Variants in MSH3 observed in about 807,000 individuals in gnomAD.
MSH3 encodes the protein DNA mismatch repair protein Msh3.
In MSH3, 106 loss-of-function variants were observed where a neutral mutation model predicts 123.3. The observed-to-expected ratio is 0.86, with a 90% CI of 0.73 to 1.01. The LOEUF (loss-of-function observed/expected upper bound fraction) is 1.01, where lower values mean the gene tolerates loss of function less well. Ranked by LOEUF, MSH3 falls within the 50% of genes least tolerant of loss-of-function variation. The probability of loss-of-function intolerance (pLI) is 0.00; values close to 1 mark genes in which losing one functional copy is unlikely to be tolerated. For synonymous variants in MSH3, 515 were observed against 481.4 expected (o/e 1.07, Z -0.91); for missense variants, 1,459 against 1,347.6 (o/e 1.08, Z -1.29).
intron 10 of MSH3, among the ~76,000 whole-genome samples, chr5:80,734,179 A>G (rs1660251135): frequency 1.3e-5 from 2 of 152,218 alleles, no homozygotes; most frequent in South Asian, 4.1e-4. Flanking sequence ...ATATTATGGT[A>G]GTTGAAAGAC....
At position 80,786,530 on chromosome 5, in the gene MSH3, C is replaced by T. The variant is rs186276432; in HGVS notation, c.2436-1035C>T. ...TTGAAGAATTTGTGACTTATCACCA[C>T]CTACTTAAACATTTTTTGTGCCTCT... On this transcript the variant is annotated intron_variant, in intron 17 of 23. Coordinates refer to ENST00000265081, the MANE Select transcript of MSH3 (RefSeq NM_002439.5). 1.3e-3 allele frequency among the ~76,000 whole-genome samples: 191 copies of T among 152,294 alleles called. 2 individuals carry two copies. The highest frequency in any genetic ancestry group is 4.5e-3 in the African/African-American group (186 of 41,580).
At chr5:80,692,670 ATATGTT>A (rs1369151436) in intron 8 of MSH3, among the ~76,000 whole-genome samples, 94 of 91,266 alleles carry the variant, frequency 1.0e-3, no homozygotes, top group East Asian at 3.4e-3. Flanking sequence ...ATACACATGT[ATATGTT>A]TATGTTTATA....
At position 80,813,717 on chromosome 5, in the gene MSH3, G is replaced by A. The variant is rs1270037019; in HGVS notation, c.2789G>A (p.Gly930Glu). ...GTTCCTGCAGAAGAAGCGACAATTGGGATTGTGGATGGCATTTTCACAAGG... is the reference window on the plus strand; with the variant it reads ...GTTCCTGCAGAAGAAGCGACAATTGAGATTGTGGATGGCATTTTCACAAGG... ...SYVPAEEATIGIVDGIFTRMG... is the reference protein window; with the variant it reads ...SYVPAEEATIEIVDGIFTRMG... Residue 930 changes from glycine to glutamate, a missense_variant, in exon 20 of 24, where the codon GGG becomes GAG. By Grantham distance (98) the Gly-to-Glu change is moderately conservative. Coordinates refer to ENST00000265081, the MANE Select transcript of MSH3 (RefSeq NM_002439.5). The A allele has an allele frequency of 1.9e-6, 3 of 1,614,090 alleles. No homozygotes were observed. The South Asian group carries it at 3.3e-5, about 18-fold the overall frequency.
At chr5:80,695,926 C>G (rs1276786076) in intron 8 of MSH3, among the ~76,000 whole-genome samples, 1 of 152,186 alleles carries the variant, frequency 6.6e-6, no homozygotes, top group East Asian at 1.9e-4. Context: ...TTCTGGGTCT[C>G]ATTTAAGCCT....
chr5:80,825,941 T>G (rs1247070719), intron 20 of MSH3, among the ~76,000 whole-genome samples: 1 of 152,232 alleles, frequency 6.6e-6, no homozygotes, highest in Non-Finnish European at 1.5e-5. Context: ...ACTGCCAGGC[T>G]TCCTGCTATC....
intron 21 of MSH3, among the ~76,000 whole-genome samples, chr5:80,856,960 T>G (rs1410020585): frequency 1.3e-5 from 2 of 152,186 alleles, no homozygotes; most frequent in Non-Finnish European, 2.9e-5. Flanking sequence ...TAAGAAAGGA[T>G]ATCGTTGCCT....
intron 19 of MSH3, among the ~76,000 whole-genome samples, chr5:80,795,915 G>T (rs1744692086): frequency 6.6e-6 from 1 of 151,570 alleles, no homozygotes; most frequent in Non-Finnish European, 1.5e-5. Flanking sequence ...GGAGGCTGAG[G>T]CAGGAGAATT....
intron 8 of MSH3, among the ~76,000 whole-genome samples, chr5:80,712,462 T>G (rs1750879522): frequency 6.6e-6 from 1 of 152,122 alleles, no homozygotes; most frequent in African/African-American, 2.4e-5. Flanking sequence ...TTTGATCTCA[T>G]ACTTTCTTTT....
chr5:80,736,722 A>G (rs1210405371), intron 10 of MSH3, among the ~76,000 whole-genome samples: 1 of 152,168 alleles, frequency 6.6e-6, no homozygotes, highest in Admixed American at 6.5e-5. Flanking sequence ...AGTCCGGCAT[A>G]GAAACCATGG....
At chr5:80,836,134 T>TC (rs1451237630) in intron 20 of MSH3, among the ~76,000 whole-genome samples, 81 of 152,212 alleles carry the variant, frequency 5.3e-4, no homozygotes, top group African/African-American at 1.8e-3. Context: ...GATATCGTAA[T>TC]CTATATGGAA....
At chr5:80,873,047 G>T in intron 22 of MSH3, 69 bp from the exon 23 acceptor site, 3 of 1,340,282 alleles carry the variant, frequency 2.2e-6, no homozygotes, top group Non-Finnish European at 3.2e-6. Flanking sequence ...GAACTTACAT[G>T]TCCTTTTTAA....
At chr5:80,874,450 T>A (rs1421681091) in intron 23 of MSH3, among the ~76,000 whole-genome samples, 1 of 152,180 alleles carries the variant, frequency 6.6e-6, no homozygotes, top group African/African-American at 2.4e-5. Flanking sequence ...CATAATCAGT[T>A]TCAGCCTATT....
intron 20 of MSH3, among the ~76,000 whole-genome samples, chr5:80,841,066 C>A (rs1236057776): frequency 6.6e-6 from 1 of 151,882 alleles, no homozygotes; most frequent in African/African-American, 2.4e-5. Context: ...TCCCCCCACC[C>A]CACGACAGAC....
At chr5:80,747,775 ATTT>A (rs1743749016) in intron 12 of MSH3, among the ~76,000 whole-genome samples, 1 of 152,184 alleles carries the variant, frequency 6.6e-6, no homozygotes, top group Non-Finnish European at 1.5e-5. Flanking sequence ...AGCCTACAGT[ATTT>A]AGTAGAGTAA....
rs545600193 is a variant in MSH3 at position 80,779,704 on chromosome 5, G to C, written c.2435+868G>C. ...CTCCTGAGTAGCTGGGACTACAGGCGCACACCGCCACGCCCTGCTAATTTT... is the reference window on the plus strand; with the variant it reads ...CTCCTGAGTAGCTGGGACTACAGGCCCACACCGCCACGCCCTGCTAATTTT... On this transcript the variant is annotated intron_variant, in intron 17 of 23. Transcript: ENST00000265081. 7.3e-5 allele frequency among the ~76,000 whole-genome samples: 11 copies of C among 150,820 alleles called. No homozygotes were observed. The South Asian group carries it at 2.3e-3, about 32-fold the overall frequency.
intron 8 of MSH3, among the ~76,000 whole-genome samples, chr5:80,694,441 C>T (rs1334321899): frequency 1.3e-5 from 2 of 152,098 alleles, no homozygotes; most frequent in Non-Finnish European, 2.9e-5. Flanking sequence ...TATCCTCCCC[C>T]ATTTATAATA....
At chr5:80,772,799 C>G (rs1744234232) in intron 15 of MSH3, among the ~76,000 whole-genome samples, 1 of 152,100 alleles carries the variant, frequency 6.6e-6, no homozygotes, top group African/African-American at 2.4e-5. Flanking sequence ...AGAAGAAAAG[C>G]TAGCAGAAGA....
chr5:80,790,069 C>T (rs1580052408), intron 18 of MSH3, among the ~76,000 whole-genome samples: 1 of 152,070 alleles, frequency 6.6e-6, no homozygotes, highest in African/African-American at 2.4e-5. Context: ...CTACTCTTGT[C>T]TATTAAAATA....
chr5:80,690,422 C>T (rs1241881803), intron 8 of MSH3, among the ~76,000 whole-genome samples: 24 of 152,136 alleles, frequency 1.6e-4, no homozygotes, highest in Admixed American at 1.6e-3. Flanking sequence ...ATTCTTCTGC[C>T]TCAGACTCCC....
Sources: gnomAD v4.1 joint callset for allele counts (sites outside exome capture counted in the v4.1 genomes callset) on GRCh38, gnomAD v4.1.1 for gene constraint, MANE v1.5 for transcripts, NCBI Gene and HGNC (gene_info 2026-07-23, HGNC 2026-07-21) for gene names.